CALN1: variants seen among roughly 807,000 people sequenced by gnomAD.
CALN1 encodes the protein calneuron 1.
Under a neutral mutation model 30.6 loss-of-function variants are expected in CALN1, and 17 were observed. The ratio of observed to expected loss-of-function variants is 0.56; its 90% CI spans 0.38 to 0.83. The LOEUF (loss-of-function observed/expected upper bound fraction) is 0.83, where lower values mean the gene tolerates loss of function less well. Ranked by LOEUF, CALN1 falls within the 40% of genes least tolerant of loss-of-function variation. CALN1 has a pLI of 0.00. For synonymous variants in CALN1, 156 were observed against 131.4 expected, an observed-to-expected ratio of 1.19 and a Z score of -1.28; for missense variants, 291 against 354.9, an observed-to-expected ratio of 0.82 and a Z score of 1.45.
At chr7:71,939,483 G>A (rs944471059) in intron 5 of CALN1, among the ~76,000 whole-genome samples, 37 of 151,688 alleles carry the variant, frequency 2.4e-4, no homozygotes, top group Non-Finnish European at 3.1e-4. Flanking sequence ...TGAGGCAGGA[G>A]AGTTACTTGA....
At chr7:71,893,250 G>A (rs1448264483) in intron 5 of CALN1, among the ~76,000 whole-genome samples, 8 of 152,142 alleles carry the variant, frequency 5.3e-5, no homozygotes, top group Non-Finnish European at 1.0e-4. Context: ...CTGGCGTTTA[G>A]TGGGTAGAGG....
intron 5 of CALN1, among the ~76,000 whole-genome samples, chr7:71,885,412 G>A (rs1380492671): frequency 3.3e-5 from 5 of 152,118 alleles, no homozygotes; most frequent in Admixed American, 6.5e-5. Flanking sequence ...TCGGCCTCCC[G>A]AAGTGCTGGG....
chr7:72,199,050 A>C (rs1791233874), intron 3 of CALN1, among the ~76,000 whole-genome samples: 1 of 152,164 alleles, frequency 6.6e-6, no homozygotes, highest in South Asian at 2.1e-4. Context: ...AGAGGCAGGT[A>C]GATCACTTGA....
chr7:72,344,615 T>C (rs1802531689), intron 2 of CALN1, among the ~76,000 whole-genome samples: 1 of 144,654 alleles, frequency 6.9e-6, no homozygotes, highest in Non-Finnish European at 1.5e-5. Context: ...ATGTATTTTA[T>C]GTATATATAA....
chr7:72,204,969 G>A (rs1262055386), intron 3 of CALN1, among the ~76,000 whole-genome samples: 1 of 151,910 alleles, frequency 6.6e-6, no homozygotes, highest in Non-Finnish European at 1.5e-5. Context: ...CAACAATAAA[G>A]AATGAAAATG....
chr7:72,226,351 ACT>A (rs1268388313), intron 3 of CALN1, among the ~76,000 whole-genome samples: 3 of 151,648 alleles, frequency 2.0e-5, no homozygotes, highest in African/African-American at 7.3e-5. Context: ...AATGAGGCTA[ACT>A]CTGCCTACCT....
chr7:71,823,998 C>A (rs1184636261), intron 5 of CALN1, among the ~76,000 whole-genome samples: 3 of 152,066 alleles, frequency 2.0e-5, no homozygotes, highest in African/African-American at 4.8e-5. Flanking sequence ...CCAATTACCT[C>A]CCATCAGCTC....
the CALN1 span, among the ~76,000 whole-genome samples, chr7:72,484,737 G>A: frequency 6.6e-6 from 1 of 152,146 alleles, no homozygotes; most frequent in African/African-American, 2.4e-5. Flanking sequence ...CTCTGCCTGG[G>A]TTTCCCACTC....
At chr7:71,832,060 G>A in intron 5 of CALN1, among the ~76,000 whole-genome samples, 1 of 152,062 alleles carries the variant, frequency 6.6e-6, no homozygotes, top group East Asian at 1.9e-4. Flanking sequence ...TCTGCTCCAG[G>A]TGGGAGGCTG....
chr7:72,036,930 G>T (rs1429526253), intron 4 of CALN1, among the ~76,000 whole-genome samples: 1 of 151,266 alleles, frequency 6.6e-6, no homozygotes, highest in African/African-American at 2.4e-5. Flanking sequence ...CCTCTCCCAA[G>T]GATTTATTTT....
chr7:72,037,316 A>T (rs1031591473), intron 4 of CALN1, among the ~76,000 whole-genome samples: 2 of 151,718 alleles, frequency 1.3e-5, no homozygotes, highest in Non-Finnish European at 2.9e-5. Flanking sequence ...ACCGCAGCTA[A>T]TTTTTTTGTA....
rs895611056 is a variant in CALN1 at position 71,783,656 on chromosome 7, A to C, written c.*4119T>G. On this transcript the variant is annotated 3_prime_UTR_variant, in exon 7 of 7. Coordinates refer to ENST00000395275, the MANE Select transcript of CALN1 (RefSeq NM_031468.4). ...TCAGGGAAACTGCTAGATTTAGGTG[A>C]AGAGCAACGTGCAAAACTGTCTTTG... 1 of 152,680 alleles carries C rather than the reference A, an allele frequency of 6.5e-6. No individual in the cohort carries two copies. Among genetic ancestry groups the C allele is most frequent in the Non-Finnish European group, 1.5e-5 (1 of 68,052 alleles). The allele number at this position is 152,680 out of a possible 1,614,324, so 9.5% of individuals were successfully genotyped here.
intron 3 of CALN1, among the ~76,000 whole-genome samples, chr7:72,205,102 G>T (rs896490960): frequency 6.6e-6 from 1 of 151,998 alleles, no homozygotes; most frequent in African/African-American, 2.4e-5. Flanking sequence ...AAAAGTTGGG[G>T]ATTCTTCTCT....
intron 5 of CALN1, among the ~76,000 whole-genome samples, chr7:71,822,839 A>G (rs1263353229): frequency 6.6e-6 from 1 of 152,312 alleles, no homozygotes; most frequent in African/African-American, 2.4e-5. Flanking sequence ...TTTTTCTAGA[A>G]TAGTATTTGG....
chr7:71,865,306 C>T (rs1791524110), intron 5 of CALN1, among the ~76,000 whole-genome samples: 1 of 152,102 alleles, frequency 6.6e-6, no homozygotes, highest in Non-Finnish European at 1.5e-5. Context: ...TGTGACACCT[C>T]CCCTCTCTAT....
intron 4 of CALN1, among the ~76,000 whole-genome samples, chr7:72,087,982 G>C (rs904975860): frequency 6.6e-6 from 1 of 152,076 alleles, no homozygotes; most frequent in African/African-American, 2.4e-5. Flanking sequence ...GGAAAACACA[G>C]TAAGACCCCG....
intron 5 of CALN1, among the ~76,000 whole-genome samples, chr7:71,897,418 T>C (rs1399377713): frequency 6.6e-6 from 1 of 152,096 alleles, no homozygotes; most frequent in African/African-American, 2.4e-5. Flanking sequence ...AAAGGGCCGG[T>C]TGGAAGAACC....
intron 5 of CALN1, among the ~76,000 whole-genome samples, chr7:71,862,429 C>T (rs1236719443): frequency 6.6e-6 from 1 of 152,142 alleles, no homozygotes; most frequent in Non-Finnish European, 1.5e-5. Flanking sequence ...CTCACGAGAT[C>T]TGATGGTTTT....
intron 4 of CALN1, among the ~76,000 whole-genome samples, chr7:72,091,312 C>T (rs1563049730): frequency 6.6e-6 from 1 of 152,234 alleles, no homozygotes; most frequent in Non-Finnish European, 1.5e-5. Flanking sequence ...GTCTGGGTGA[C>T]AGAGTGAGAC....
Sources: gnomAD v4.1 joint callset for allele counts (sites outside exome capture counted in the v4.1 genomes callset) on GRCh38, gnomAD v4.1.1 for gene constraint, MANE v1.5 for transcripts, NCBI Gene and HGNC (gene_info 2026-07-23, HGNC 2026-07-21) for gene names.